The following TNNI3K variants were observed in gnomAD, a reference collection of about 807,000 sequenced individuals.
The protein encoded by TNNI3K is serine/threonine-protein kinase TNNI3K.
In TNNI3K, 140 loss-of-function variants were observed where a neutral mutation model predicts 114.5. The ratio of observed to expected loss-of-function variants is 1.22; its 90% CI spans 1.07 to 1.41. TNNI3K has a LOEUF of 1.41. TNNI3K is among the 40% of genes most tolerant of loss of function. The pLI is 0.00. For synonymous variants in TNNI3K, 347 were observed against 347.5 expected, an observed-to-expected ratio of 1.00 and a Z score of 0.02; for missense variants, 1,125 against 1,007.6, an observed-to-expected ratio of 1.12 and a Z score of -1.58.
chr1:74,264,925 A>G (rs749984787), intron 4 of TNNI3K, among the ~76,000 whole-genome samples: 1 of 152,026 alleles, frequency 6.6e-6, no homozygotes, highest in African/African-American at 2.4e-5. Flanking sequence ...CTTTATTACA[A>G]TCTTGTAAGG....
At chr1:74,525,678 A>G (rs1486356491) in intron 23 of TNNI3K, among the ~76,000 whole-genome samples, 5 of 152,252 alleles carry the variant, frequency 3.3e-5, no homozygotes, top group African/African-American at 1.2e-4. Flanking sequence ...AGCTTAATAA[A>G]TAACCAATAT....
Position 74,463,447 on chromosome 1 carries a change from C to A in TNNI3K, c.2018C>A (p.Ala673Glu), listed in dbSNP as rs140963906. ...ATGACCATTTGGTTTGCAGCGGCTG[C>A]GGCAGCAGACATGGCTTACCACCAC... ...IPFAHLKPAAAAADMAYHHIR... is the reference protein window; with the variant it reads ...IPFAHLKPAAEAADMAYHHIR... Residue 673 changes from alanine (A) to glutamate (E), a missense_variant, in exon 21 of 25, where the codon GCG (alanine) becomes GAG (glutamate). By Grantham distance (107) the Ala-to-Glu change is moderately radical. Transcript: ENST00000326637. 125 of 1,614,010 alleles carry A rather than the reference C, an allele frequency of 7.7e-5. 1 individual carries two copies. In the African/African-American group the frequency reaches 1.3e-3, roughly 16 times the overall value.
At chr1:74,504,105 C>T (rs936257166) in intron 23 of TNNI3K, among the ~76,000 whole-genome samples, 2 of 152,186 alleles carry the variant, frequency 1.3e-5, no homozygotes, top group Non-Finnish European at 2.9e-5. Context: ...ACAAGCAATT[C>T]CCTTATGCAC....
Position 74,342,857 on chromosome 1 carries a change from A to G in TNNI3K, c.698A>G (p.Asn233Ser), listed in dbSNP as rs1165730184. 1.9e-6 allele frequency: 3 copies of G among 1,613,546 alleles called. No homozygotes were observed. The highest frequency in any genetic ancestry group is 2.5e-6 in the Non-Finnish European group (3 of 1,179,834). Residue 233 changes from asparagine to serine, a missense_variant, in exon 8 of 25, where the codon AAT becomes AGT. Transcript: ENST00000326637. ...CTGATAACAGTGAATGCTCAAGATA[A>G]TGAAGACCATGTCCCACTCCATTTC... The part of the protein sequence containing the change: ...GSKADVNAQD[N>S]EDHVPLHFCS...
chr1:74,480,593 T>A, intron 21 of TNNI3K: 1 of 717,290 alleles, frequency 1.4e-6, no homozygotes, highest in East Asian at 2.7e-5. Flanking sequence ...ACTGTGGAGA[T>A]TCGTGCCTCC....
Position 74,369,472 on chromosome 1 carries a change from TC to T in TNNI3K, c.1557del (p.Cys520AlafsTer2), listed in dbSNP as rs1329964136. 8 of 1,612,814 alleles carry T rather than the reference TC, an allele frequency of 5.0e-6. No homozygotes were observed. The highest frequency in any genetic ancestry group is 6.8e-6 in the Non-Finnish European group (8 of 1,179,240). ...EVSILCQLNH[P>X]CVIQFVGACL... is the part of the protein sequence containing the mutation. ...TGTCCATTCTCTGCCAGCTCAATCA[TC>T]CCTGCGTAATTCAGTTTGTGGGTGC... On this transcript the variant is annotated frameshift_variant, in exon 16 of 25. Transcript: ENST00000326637. LOFTEE classifies it high-confidence loss of function.
intron 23 of TNNI3K, among the ~76,000 whole-genome samples, chr1:74,529,858 C>T (rs1646557544): frequency 6.6e-6 from 1 of 152,142 alleles, no homozygotes; most frequent in Non-Finnish European, 1.5e-5. Context: ...CCTGGATGAC[C>T]CCACCCCTTG....
In TNNI3K at chr1:74,367,896, T is replaced by C; in HGVS notation, c.1265-12T>C. The C allele has an allele frequency of 1.3e-6, 2 of 1,567,950 alleles. No individual in the cohort carries two copies. Among genetic ancestry groups the C allele is most frequent in the South Asian group, 1.2e-5 (1 of 81,360 alleles). On this transcript the variant is annotated splice_polypyrimidine_tract_variant and intron_variant, in intron 12 of 24. Transcript: ENST00000326637. ...CGCTACTTTCAACTCTATTATATAA[T>C]TTAATTTCTAGATGGCTCCTATGTG...
At chr1:74,349,245 GT>G in intron 9 of TNNI3K, among the ~76,000 whole-genome samples, 1 of 152,030 alleles carries the variant, frequency 6.6e-6, no homozygotes, top group East Asian at 1.9e-4. Flanking sequence ...ATAATCATGT[GT>G]TTTTTGTCTT....
At chr1:74,328,225 C>G (rs910322174) in intron 5 of TNNI3K, among the ~76,000 whole-genome samples, 2 of 152,100 alleles carry the variant, frequency 1.3e-5, no homozygotes, top group African/African-American at 4.8e-5. Flanking sequence ...TATTACCTAC[C>G]TACCATAGTA....
intron 2 of TNNI3K, among the ~76,000 whole-genome samples, chr1:74,249,255 C>G (rs926014019): frequency 2.6e-5 from 4 of 151,764 alleles, no homozygotes; most frequent in African/African-American, 7.3e-5. Flanking sequence ...CTGGTGACAT[C>G]ATTACAATGT....
chr1:74,399,601 A>T (rs182438237), intron 17 of TNNI3K, among the ~76,000 whole-genome samples: 16 of 152,220 alleles, frequency 1.1e-4, no homozygotes, highest in Non-Finnish European at 1.6e-4. Flanking sequence ...GACACATTAC[A>T]CTCGAGTCAA....
chr1:74,270,331 G>C (rs1656263724), intron 4 of TNNI3K, among the ~76,000 whole-genome samples: 1 of 151,434 alleles, frequency 6.6e-6, no homozygotes, highest in Non-Finnish European at 1.5e-5. Context: ...GGAAAATGAA[G>C]GGAATAATAG....
At chr1:74,527,077 T>C (rs1434337089) in intron 23 of TNNI3K, among the ~76,000 whole-genome samples, 1 of 152,190 alleles carries the variant, frequency 6.6e-6, no homozygotes, top group Non-Finnish European at 1.5e-5. Flanking sequence ...TTTGTTCAAG[T>C]CACGTAGCCC....
At chr1:74,347,534 T>G (rs1022589313) in intron 9 of TNNI3K, among the ~76,000 whole-genome samples, 3 of 152,156 alleles carry the variant, frequency 2.0e-5, no homozygotes, top group African/African-American at 7.2e-5. Flanking sequence ...GATGGCTGGG[T>G]CAAATGGTAT....
At chr1:74,534,408 T>C (rs1489285370) in intron 23 of TNNI3K, among the ~76,000 whole-genome samples, 1 of 152,172 alleles carries the variant, frequency 6.6e-6, no homozygotes, top group Non-Finnish European at 1.5e-5. Flanking sequence ...CACTAGCAAA[T>C]ATTCTGAGAA....
chr1:74,481,868 G>A (rs995238224), intron 21 of TNNI3K, among the ~76,000 whole-genome samples: 7 of 152,140 alleles, frequency 4.6e-5, no homozygotes, highest in African/African-American at 7.2e-5. Context: ...AGGTCTATAG[G>A]TGATATTAGA....
chr1:74,429,143 C>G (rs766928750), intron 17 of TNNI3K, among the ~76,000 whole-genome samples: 3 of 152,074 alleles, frequency 2.0e-5, no homozygotes, highest in Non-Finnish European at 4.4e-5. Flanking sequence ...CGTACTGTCT[C>G]TGTTATCCTG....
intron 17 of TNNI3K, among the ~76,000 whole-genome samples, chr1:74,398,621 C>T (rs1319806459): frequency 2.0e-5 from 3 of 152,088 alleles, no homozygotes; most frequent in African/African-American, 7.2e-5. Flanking sequence ...TGGAGGCCTT[C>T]CCCCTCCCAA....
Sources: allele counts gnomAD v4.1 joint callset (sites outside exome capture counted in the v4.1 genomes callset), GRCh38; gene constraint gnomAD v4.1.1; transcripts MANE v1.5; gene names NCBI Gene and HGNC (gene_info 2026-07-23, HGNC 2026-07-21).